The following ARHGEF3 variants were observed in gnomAD, a reference collection of about 807,000 sequenced individuals.
ARHGEF3 encodes 59.8 kDA protein.
Under a neutral mutation model 63.2 loss-of-function variants are expected in ARHGEF3, and 28 were observed. That is an observed-to-expected ratio of 0.44 (90% CI 0.33 to 0.61). The LOEUF (loss-of-function observed/expected upper bound fraction) is 0.61, where lower values mean the gene tolerates loss of function less well. Among genes scored for constraint, ARHGEF3 ranks in the 20% least tolerant of loss-of-function variants. ARHGEF3 has a pLI of 0.03. For synonymous variants in ARHGEF3, 266 were observed against 254.2 expected, an observed-to-expected ratio of 1.05 and a Z score of -0.44; for missense variants, 533 against 659.3, an observed-to-expected ratio of 0.81 and a Z score of 2.10.
chr3:56,729,157 T>C lies in ARHGEF3; in HGVS notation c.*113A>G. ...ACAGATACGAGAGACTGGGCCAACATGTATACTTTCACAAAAGTATGAAAA... is the reference window on the plus strand; with the variant it reads ...ACAGATACGAGAGACTGGGCCAACACGTATACTTTCACAAAAGTATGAAAA... On this transcript the variant is annotated 3_prime_UTR_variant, in exon 10 of 10. Coordinates refer to ENST00000296315, the MANE Select transcript of ARHGEF3 (RefSeq NM_019555.3). The C allele has an allele frequency of 3.3e-6, 3 of 899,980 alleles. No homozygotes were observed. The highest frequency in any genetic ancestry group is 2.6e-5 in the East Asian group (1 of 37,766). The allele number at this position is 899,980 out of a possible 1,614,324, so 55.7% of individuals were successfully genotyped here.
chr3:56,867,931 C>G (rs1258284855), intron 4 of ARHGEF3, among the ~76,000 whole-genome samples: 1 of 152,182 alleles, frequency 6.6e-6, no homozygotes, highest in Admixed American at 6.5e-5. Context: ...TGGTGTGATT[C>G]TGGCTCTATT....
rs34087284 is a variant in ARHGEF3, at chr3:56,921,054, C to CAAA, written c.129+37766_129+37768dup. ...TGGGTGACAGAGCGAGACTCCATCTCAAAAAAAAAAAAAAAAAAAAAAACT... is the reference window on the plus strand; with the variant it reads ...TGGGTGACAGAGCGAGACTCCATCTCAAAAAAAAAAAAAAAAAAAAAAAAAACT... On this transcript the variant is annotated intron_variant, in intron 3 of 12. Transcript: ENST00000338458. Among the ~76,000 whole-genome samples the CAAA allele has an allele frequency of 1.7e-3, 100 of 60,504 alleles. 2 individuals are homozygous for CAAA. The highest frequency in any genetic ancestry group is 2.6e-3 in the East Asian group (6 of 2,300). 39.7% of individuals were successfully genotyped at this position (60,504 alleles called of 152,430 possible).
chr3:56,950,130 T>G (rs868406377), intron 3 of ARHGEF3, among the ~76,000 whole-genome samples: 4 of 152,064 alleles, frequency 2.6e-5, no homozygotes, highest in African/African-American at 9.7e-5. Flanking sequence ...AAAAATTAAT[T>G]CAAGATGGAT....
intron 4 of ARHGEF3, among the ~76,000 whole-genome samples, chr3:56,872,918 A>G (rs144853660): frequency 7.9e-4 from 120 of 152,368 alleles, no homozygotes; most frequent in Non-Finnish European, 1.4e-3. Context: ...AATAAAATCA[A>G]TAGCAACAGT....
chr3:56,843,286 G>T (rs2039375686), intron 4 of ARHGEF3, among the ~76,000 whole-genome samples: 1 of 152,000 alleles, frequency 6.6e-6, no homozygotes, highest in Non-Finnish European at 1.5e-5. Context: ...CTAAGACAGG[G>T]TCTCACTCTG....
At chr3:56,978,259 A>G (rs926092846) in intron 2 of ARHGEF3, among the ~76,000 whole-genome samples, 1 of 152,234 alleles carries the variant, frequency 6.6e-6, no homozygotes. Flanking sequence ...AATGGATAGC[A>G]CTCAAAAATT....
At chr3:56,779,503 G>GT (rs1429498644) in intron 1 of ARHGEF3, among the ~76,000 whole-genome samples, 2 of 150,416 alleles carry the variant, frequency 1.3e-5, no homozygotes, top group Admixed American at 1.3e-4. Context: ...TTTTTTGTTT[G>GT]TTTTTTTGAG....
chr3:56,804,913 G>A (rs2037806111), upstream of ARHGEF3, among the ~76,000 whole-genome samples: 1 of 152,120 alleles, frequency 6.6e-6, no homozygotes. Flanking sequence ...CTCAGGGCTT[G>A]TCTGGCCACC....
intron 1 of ARHGEF3, among the ~76,000 whole-genome samples, chr3:56,778,286 G>C (rs1262178969): frequency 6.6e-6 from 1 of 152,180 alleles, no homozygotes; most frequent in Non-Finnish European, 1.5e-5. Flanking sequence ...AAGGCACGTA[G>C]TGAGCAATTT....
chr3:56,841,259 A>G (rs1218490548), intron 4 of ARHGEF3, among the ~76,000 whole-genome samples: 1 of 152,184 alleles, frequency 6.6e-6, no homozygotes, highest in Non-Finnish European at 1.5e-5. Flanking sequence ...GAAAAGCTTG[A>G]GTCAACCACC....
chr3:56,813,718 C>G (rs1434528528), intron 4 of ARHGEF3, among the ~76,000 whole-genome samples: 1 of 152,106 alleles, frequency 6.6e-6, no homozygotes, highest in Non-Finnish European at 1.5e-5. Context: ...AACAACCCAC[C>G]CATTTAAAAA....
At chr3:56,929,155 G>C (rs148583263) in intron 3 of ARHGEF3, among the ~76,000 whole-genome samples, 95 of 152,314 alleles carry the variant, frequency 6.2e-4, no homozygotes, top group African/African-American at 2.2e-3. Context: ...GAAGGGTCTA[G>C]AAAGGAGAGT....
chr3:56,834,947 T>A (rs943587990), intron 4 of ARHGEF3, among the ~76,000 whole-genome samples: 1 of 152,132 alleles, frequency 6.6e-6, no homozygotes, highest in African/African-American at 2.4e-5. Flanking sequence ...GATTTAATAG[T>A]CTTTCTTTAA....
At chr3:56,762,968 A>G (rs1269721851) in intron 2 of ARHGEF3, among the ~76,000 whole-genome samples, 2 of 152,070 alleles carry the variant, frequency 1.3e-5, no homozygotes, top group African/African-American at 4.8e-5. Flanking sequence ...ATCCTAGGAG[A>G]GGATGAGTAA....
chr3:57,023,722 A>G (rs1703356147), intron 2 of ARHGEF3, among the ~76,000 whole-genome samples: 1 of 152,018 alleles, frequency 6.6e-6, no homozygotes, highest in African/African-American at 2.4e-5. Flanking sequence ...CCCCTTCCAC[A>G]TGGTTTGCTC....
chr3:57,032,556 C>T (rs570031758), intron 2 of ARHGEF3, among the ~76,000 whole-genome samples: 2 of 152,300 alleles, frequency 1.3e-5, no homozygotes, highest in South Asian at 2.1e-4. Context: ...GTTTTGAATA[C>T]GTTTCTGTCT....
In ARHGEF3 at chr3:57,067,200, C is replaced by A. The variant is rs1020599749; in HGVS notation, c.-28+12026G>T. ...GGCGCGGTGGCTCACGCCTGTAATCCCAGTACTTTGGGAGGCCAAGGCGGG... is the reference window on the plus strand; with the variant it reads ...GGCGCGGTGGCTCACGCCTGTAATCACAGTACTTTGGGAGGCCAAGGCGGG... On this transcript the variant is annotated intron_variant, in intron 1 of 12. Transcript: ENST00000338458. Among the ~76,000 whole-genome samples the A allele has an allele frequency of 2.6e-5, 4 of 152,044 alleles. No homozygotes were observed. In the East Asian group the frequency reaches 5.8e-4, roughly 22 times the overall value.
Position 56,790,773 on chromosome 3 carries a change from G to A in ARHGEF3, c.96+10930C>T, listed in dbSNP as rs116742585. 5.9e-3 allele frequency among the ~76,000 whole-genome samples: 899 copies of A among 152,230 alleles called. 11 individuals carry two copies. The highest frequency in any genetic ancestry group is 0.02 in the African/African-American group (835 of 41,532). On this transcript the variant is annotated intron_variant, in intron 1 of 9. Coordinates refer to ENST00000296315, the MANE Select transcript of ARHGEF3 (RefSeq NM_019555.3). Reference sequence around the variant, plus strand: ...ACCCACAGGGAAGACTTACCATTTTGCCCCCCTCGGCCATCTGGCCCAACT... The same window carrying A: ...ACCCACAGGGAAGACTTACCATTTTACCCCCCTCGGCCATCTGGCCCAACT...
At chr3:56,765,374 C>A (rs1204492605) in intron 2 of ARHGEF3, among the ~76,000 whole-genome samples, 1 of 152,126 alleles carries the variant, frequency 6.6e-6, no homozygotes, top group Non-Finnish European at 1.5e-5. Context: ...TATCCTCTCC[C>A]TTGGATACCC....
Sources: allele counts gnomAD v4.1 joint callset (sites outside exome capture counted in the v4.1 genomes callset), GRCh38; gene constraint gnomAD v4.1.1; transcripts MANE v1.5; gene names NCBI Gene and HGNC (gene_info 2026-07-23, HGNC 2026-07-21).